Variants in ZNF562 observed in about 807,000 individuals in gnomAD.
The protein encoded by ZNF562 is zinc finger protein 562.
ZNF562 carries 13 observed loss-of-function variants against 17.5 expected under a neutral mutation model. That is an observed-to-expected ratio of 0.74 (90% CI 0.48 to 1.18). The LOEUF (loss-of-function observed/expected upper bound fraction) is 1.18. Among genes scored for constraint, ZNF562 ranks in the 50% most tolerant of loss-of-function variants. ZNF562 has a pLI of 0.00. For missense variants in ZNF562, 481 were observed against 498.5 expected (o/e 0.96, Z 0.33); for synonymous variants, 163 against 165.4 (o/e 0.99, Z 0.11).
chr19:9,658,373 G>A (rs748489359), intron 3 of ZNF562: 1 of 976,674 alleles, frequency 1.0e-6, no homozygotes, highest in Non-Finnish European at 1.2e-6. Context: ...TTTTGTGACA[G>A]AGTTTTGCTC....
intron 1 of ZNF562, among the ~76,000 whole-genome samples, chr19:9,671,108 CA>C (rs1284121692): frequency 1.3e-5 from 2 of 151,950 alleles, no homozygotes; most frequent in Admixed American, 6.6e-5. Context: ...ACGCATCTAT[CA>C]TACATTTCAA....
chr19:9,665,217 T>A (rs1599307682), intron 1 of ZNF562, among the ~76,000 whole-genome samples: 1 of 134,934 alleles, frequency 7.4e-6, no homozygotes. Context: ...CAAGACTCTG[T>A]CTAAAAAAAA....
chr19:9,667,091 C>G (rs2145030603), intron 1 of ZNF562, among the ~76,000 whole-genome samples: 1 of 152,318 alleles, frequency 6.6e-6, no homozygotes, highest in Non-Finnish European at 1.5e-5. Flanking sequence ...ACGCCAATAT[C>G]ACTGATGAAC....
intron 3 of ZNF562, among the ~76,000 whole-genome samples, chr19:9,659,176 C>T (rs1279465037): frequency 6.6e-6 from 1 of 152,212 alleles, no homozygotes; most frequent in East Asian, 1.9e-4. Context: ...GTAGTAATTA[C>T]CGAGCTACTG....
In ZNF562 at chr19:9,652,954, T is replaced by C; in HGVS notation, c.1276A>G (p.Arg426Gly). ...CTTTCCCACATATCTTGCATTTACC[T>C]TTCTCCACTGTGAGTTTTCAAATGT... ...SKHLKTHSGE[R>G] Residue 426 changes from arginine to glycine, a missense_variant, in exon 6 of 6, where the codon AGG (arginine) becomes GGG (glycine). Physicochemically the swap from Arg to Gly is moderately radical, Grantham distance 125. Around this residue, in one of 2 missense-constraint regions of ZNF562, gnomAD observed 78 missense variants for 112.0 expected, o/e 0.70. Transcript: ENST00000453372. 1 of 1,493,362 alleles carries C rather than the reference T, an allele frequency of 6.7e-7. No individual in the cohort carries two copies. Among genetic ancestry groups the C allele is most frequent in the Non-Finnish European group, 8.9e-7 (1 of 1,121,612 alleles). 92.5% of individuals were successfully genotyped at this position (1,493,362 alleles called of 1,614,324 possible). A position where few individuals can be genotyped will look rare whatever the true frequency, so the allele number is the denominator to read the frequency against.
Position 9,642,693 on chromosome 19 carries a change from C to T in ZNF562, c.*10256G>A, listed in dbSNP as rs1182433019. 6.6e-6 allele frequency: 1 copy of T among 151,842 alleles called. No homozygotes were observed. The highest frequency in any genetic ancestry group is 1.5e-5 in the Non-Finnish European group (1 of 67,994). 9.4% of individuals were successfully genotyped at this position (151,842 alleles called of 1,614,324 possible). A position where few individuals can be genotyped will look rare whatever the true frequency, so the allele number is the denominator to read the frequency against. On this transcript the variant is annotated 3_prime_UTR_variant, in exon 6 of 6. Coordinates refer to ENST00000453372, the MANE Select transcript of ZNF562 (RefSeq NM_001130031.2). The stretch of plus-strand genomic sequence containing the variant: ...ACTTTGTATCAAATGGGTAATAAGA[C>T]TATGTAACAGGAACAACACAACAAC...
rs530212402 is a variant in ZNF562, at chr19:9,647,946, A to G, written c.*5003T>C. 8 of 152,268 alleles carry G rather than the reference A, an allele frequency of 5.3e-5. No homozygotes were observed. Among genetic ancestry groups the G allele is most frequent in the East Asian group, 3.9e-4 (2 of 5,182 alleles). The allele number at this position is 152,268 out of a possible 1,614,324, so 9.4% of individuals were successfully genotyped here. A position where few individuals can be genotyped will look rare whatever the true frequency, so the allele number is the denominator to read the frequency against. ...TTTTAAATAGAGATGTGGTTTCGCT[A>G]TGTTGCCCAGGCTGGTTTGAACTCC... is the stretch of plus-strand genomic sequence containing the variant. On this transcript the variant is annotated 3_prime_UTR_variant, in exon 6 of 6. Transcript: ENST00000453372.
intron 1 of ZNF562, among the ~76,000 whole-genome samples, chr19:9,668,820 T>C (rs1004803792): frequency 2.0e-5 from 3 of 152,032 alleles, no homozygotes; most frequent in Non-Finnish European, 4.4e-5. Flanking sequence ...AATCTACACA[T>C]GTACAGACAG....
chr19:9,672,041 T>G (rs2044217722), intron 1 of ZNF562, among the ~76,000 whole-genome samples: 1 of 152,150 alleles, frequency 6.6e-6, no homozygotes, highest in African/African-American at 2.4e-5. Context: ...AAAGGAATAT[T>G]TACACACACC....
In ZNF562 at chr19:9,670,264, C is replaced by T. The variant is rs571436975; in HGVS notation, c.-131+4751G>A. On this transcript the variant is annotated intron_variant, in intron 1 of 5. Coordinates refer to ENST00000453372, the MANE Select transcript of ZNF562 (RefSeq NM_001130031.2). ...AAAAAACAAAACAAAACAAAAAAAACAGTATGGGGGTTTCTCAAAAAATTA... is the reference window on the plus strand; with the variant it reads ...AAAAAACAAAACAAAACAAAAAAAATAGTATGGGGGTTTCTCAAAAAATTA... 3.3e-5 allele frequency among the ~76,000 whole-genome samples: 5 copies of T among 151,796 alleles called. No individual in the cohort carries two copies. The East Asian group carries it at 7.8e-4, about 24-fold the overall frequency.
rs145288279 is a variant in ZNF562 at position 9,656,579 on chromosome 19, A to G, written c.316T>C (p.Leu106=). The change falls in exon 5 of 6, where the codon TTG becomes CTG. Residue 106 remains leucine (L), a synonymous_variant. Coordinates refer to ENST00000453372, the MANE Select transcript of ZNF562 (RefSeq NM_001130031.2). ...ATCCCAGTGAATATTTGATTCTTCA[A>G]AAAACCCTGCTGAAGTGATGACCGT... ...TKRSSLQQGF[L]KNQIFTGIQM... 7.7e-5 allele frequency: 124 copies of G among 1,613,904 alleles called. No homozygotes were observed. Among genetic ancestry groups the G allele is most frequent in the Non-Finnish European group, 9.7e-5 (115 of 1,179,974 alleles).
At chr19:9,661,380 G>A (rs550553007) in intron 1 of ZNF562, among the ~76,000 whole-genome samples, 42 of 152,176 alleles carry the variant, frequency 2.8e-4, no homozygotes, top group East Asian at 2.3e-3. Flanking sequence ...ATGCAGTGGC[G>A]TGATCTTGAC....
At position 9,659,441 on chromosome 19, in the gene ZNF562, G is replaced by A. The variant is rs767682931; in HGVS notation, c.52C>T (p.Pro18Ser). 1.5e-4 allele frequency: 239 copies of A among 1,551,248 alleles called. No individual in the cohort carries two copies. Among genetic ancestry groups the A allele is most frequent in the Non-Finnish European group, 2.0e-4 (228 of 1,146,896 alleles). ...HGFFPREPIC[P>S]FEEKTKIGTM... Reference sequence around the variant, plus strand: ...CCTATCTTTGTCTTTTCTTCAAAAGGACAGATTGGTTCCCTGGGAAAAAAC... The same window carrying A: ...CCTATCTTTGTCTTTTCTTCAAAAGAACAGATTGGTTCCCTGGGAAAAAAC... Residue 18 changes from proline to serine, a missense_variant, in exon 3 of 6, where the codon CCT becomes TCT. Physicochemically the swap from Pro to Ser is moderately conservative, Grantham distance 74. Coordinates refer to ENST00000453372, the MANE Select transcript of ZNF562 (RefSeq NM_001130031.2).
At position 9,644,485 on chromosome 19, in the gene ZNF562, C is replaced by G. The variant is rs892508562; in HGVS notation, c.*8464G>C. ...TTCCTTGTTGTTGTTACAGTGTGAG[C>G]CACCGTGCCTGGCCGAGACTGGGTA... On this transcript the variant is annotated 3_prime_UTR_variant, in exon 6 of 6. Coordinates refer to ENST00000453372, the MANE Select transcript of ZNF562 (RefSeq NM_001130031.2). The G allele has an allele frequency of 6.6e-6, 1 of 152,114 alleles. No homozygotes were observed. The highest frequency in any genetic ancestry group is 2.4e-5 in the African/African-American group (1 of 41,410). The allele number at this position is 152,114 out of a possible 1,614,324, so 9.4% of individuals were successfully genotyped here. A position where few individuals can be genotyped will look rare whatever the true frequency, so the allele number is the denominator to read the frequency against.
Position 9,659,331 on chromosome 19 carries a change from A to G in ZNF562, c.114+48T>C, listed in dbSNP as rs1206602198. 3.4e-6 allele frequency: 5 copies of G among 1,475,998 alleles called. No homozygotes were observed. In the East Asian group the frequency reaches 9.9e-5, roughly 29 times the overall value. The allele number at this position is 1,475,998 out of a possible 1,614,324, so 91.4% of individuals were successfully genotyped here. ...TGTCTAGAAGGAAATGTGTCTACCT[A>G]TTGGATGTAAGTATGTCATTTTGTA... is the stretch of plus-strand genomic sequence containing the variant. On this transcript the variant is annotated intron_variant, in intron 3 of 5. Transcript: ENST00000453372.
At position 9,642,513 on chromosome 19, in the gene ZNF562, G is replaced by A. The variant is rs1319557297; in HGVS notation, c.*10436C>T. On this transcript the variant is annotated 3_prime_UTR_variant, in exon 6 of 6. Coordinates refer to ENST00000453372, the MANE Select transcript of ZNF562 (RefSeq NM_001130031.2). ...GCTGCCCTCAAACTCCTGAGCTCAA[G>A]CGATCATCCTTCCTTGGCCTCCCAC... The A allele has an allele frequency of 6.6e-6, 1 of 151,972 alleles. No individual in the cohort carries two copies. Among genetic ancestry groups the A allele is most frequent in the Non-Finnish European group, 1.5e-5 (1 of 68,006 alleles). 9.4% of individuals were successfully genotyped at this position (151,972 alleles called of 1,614,324 possible).
chr19:9,659,490 T>A (rs1345595569), intron 2 of ZNF562, 23 bp from the exon 3 acceptor site: 1 of 1,548,738 alleles, frequency 6.5e-7, no homozygotes. Flanking sequence ...TAAGAAGGCA[T>A]GAGAAGCCAG....
chr19:9,656,424 G>T, intron 5 of ZNF562, 123 bp downstream of exon 5: 1 of 1,000,064 alleles, frequency 1.0e-6, no homozygotes, highest in Non-Finnish European at 1.5e-6. Context: ...CAAGAGAATC[G>T]CTTGAACCTG....
intron 1 of ZNF562, among the ~76,000 whole-genome samples, chr19:9,670,557 G>A (rs1343013694): frequency 6.6e-6 from 1 of 152,144 alleles, no homozygotes; most frequent in Non-Finnish European, 1.5e-5. Context: ...GGTCATCATG[G>A]AAGTGAAATA....
Sources: allele counts gnomAD v4.1 joint callset (sites outside exome capture counted in the v4.1 genomes callset), GRCh38; gene constraint gnomAD v4.1.1; regional missense constraint gnomAD v4.1.1; transcripts MANE v1.5; gene names NCBI Gene and HGNC (gene_info 2026-07-23, HGNC 2026-07-21).